RPS6KA3: variants seen among roughly 807,000 people sequenced by gnomAD.
RPS6KA3 encodes ribosomal protein S6 kinase alpha-3.
RPS6KA3 carries 4 observed loss-of-function variants against 67.2 expected under a neutral mutation model. The observed-to-expected ratio is 0.06, with a 90% CI of 0.03 to 0.14. RPS6KA3 has a LOEUF of 0.14. Ranked by LOEUF, RPS6KA3 falls within the 10% of genes least tolerant of loss-of-function variation. The pLI, the probability that RPS6KA3 is intolerant of heterozygous loss-of-function variation, is 1.00. For missense variants in RPS6KA3, 204 were observed against 559.0 expected (o/e 0.36, Z 6.40); for synonymous variants, 182 against 183.7 (o/e 0.99, Z 0.07).
rs758963485 is a variant in RPS6KA3, at chrX:20,225,246, T to G, written c.126+9512A>C. On this transcript the variant is annotated intron_variant, in intron 2 of 21. Transcript: ENST00000379565. ...AAAGGGGAGGTTTTTTTTTTTTGTT[T>G]TTTTTTTTGTTTTTTTTTTTTTTAA... is the stretch of plus-strand genomic sequence containing the variant. Among the ~76,000 whole-genome samples the G allele has an allele frequency of 6.6e-3, 575 of 87,047 alleles. 5 individuals carry two copies. The highest frequency in any genetic ancestry group is 0.024 in the African/African-American group (550 of 23,166). The allele number at this position is 87,047 out of a possible 115,157, so 75.6% of individuals were successfully genotyped here.
intron 1 of RPS6KA3, among the ~76,000 whole-genome samples, chrX:20,242,446 A>T (rs372126393): frequency 1.8e-5 from 2 of 111,775 alleles, no homozygotes; most frequent in African/African-American, 6.5e-5. Context: ...AATTATTCCT[A>T]TTTTATAGTT....
intron 1 of RPS6KA3, 152 bp downstream of exon 1, chrX:20,266,412 C>A: frequency 2.2e-6 from 1 of 462,863 alleles, no homozygotes. Flanking sequence ...GGCCAATAGA[C>A]CCACCCCAAC....
At chrX:20,267,068 C>T, upstream of RPS6KA3, 1 of 755,215 alleles carries the variant, frequency 1.3e-6, no homozygotes, top group Non-Finnish European at 1.6e-6. Context: ...TCGGCCGCCG[C>T]CACCACCGCC....
intron 3 of RPS6KA3, among the ~76,000 whole-genome samples, chrX:20,209,082 T>C (rs1282730201): frequency 8.9e-6 from 1 of 111,733 alleles, no homozygotes; most frequent in Non-Finnish European, 1.9e-5. Flanking sequence ...AGGAAGCAAA[T>C]AGTACCAATT....
intron 2 of RPS6KA3, among the ~76,000 whole-genome samples, chrX:20,216,651 G>A (rs1305052812): frequency 9.1e-6 from 1 of 110,386 alleles, no homozygotes; most frequent in Admixed American, 9.7e-5. Flanking sequence ...ATTTGAGAAA[G>A]ACCTGAGGGA....
intron 1 of RPS6KA3, among the ~76,000 whole-genome samples, chrX:20,247,938 T>G (rs1227429434): frequency 1.8e-5 from 2 of 112,259 alleles, no homozygotes; most frequent in Non-Finnish European, 3.8e-5. Context: ...ATAGCTTTTT[T>G]TCTCATTTTT....
intron 4 of RPS6KA3, among the ~76,000 whole-genome samples, chrX:20,201,302 ATTTTAT>A (rs767775764): frequency 9.1e-6 from 1 of 110,051 alleles, no homozygotes; most frequent in African/African-American, 3.3e-5. Flanking sequence ...CAACCATCTG[ATTTTAT>A]TTTTATTTTT....
Position 20,188,870 on chromosome X carries a change from T to C in RPS6KA3, c.594-336A>G, listed in dbSNP as rs772514538. 2.7e-5 allele frequency among the ~76,000 whole-genome samples: 3 copies of C among 112,850 alleles called. No homozygotes were observed. In the East Asian group the frequency reaches 8.3e-4, roughly 31 times the overall value. On this transcript the variant is annotated intron_variant, in intron 7 of 21. Coordinates refer to ENST00000379565, the MANE Select transcript of RPS6KA3 (RefSeq NM_004586.3). ...CTAAACCCCCTAGTGCCTGCATTAA[T>C]AGACAGAGGGTCCACACATTTAATT...
At chrX:20,213,346 G>A (rs2068766764) in intron 2 of RPS6KA3, among the ~76,000 whole-genome samples, 1 of 111,838 alleles carries the variant, frequency 8.9e-6, no homozygotes, top group South Asian at 3.7e-4. Context: ...TTAAGACAAT[G>A]TCTACTGACT....
upstream of RPS6KA3, chrX:20,266,914 C>T: frequency 1.5e-6 from 1 of 647,235 alleles, no homozygotes; most frequent in Non-Finnish European, 1.8e-6. Flanking sequence ...CTTTCTTCCT[C>T]TCCTCCTTCC....
chrX:20,181,932 G>A (rs976661810), intron 10 of RPS6KA3, among the ~76,000 whole-genome samples: 10 of 112,270 alleles, frequency 8.9e-5, no homozygotes, highest in Non-Finnish European at 3.8e-5. Flanking sequence ...GAAGGATTTA[G>A]TTTCTTCAAC....
intron 2 of RPS6KA3, among the ~76,000 whole-genome samples, chrX:20,224,818 G>A (rs1312529984): frequency 1.8e-5 from 2 of 111,159 alleles, no homozygotes; most frequent in Non-Finnish European, 3.8e-5. Context: ...AGAATCTCCC[G>A]TCGGCATGAA....
chrX:20,167,622 T>C lies in RPS6KA3; in HGVS notation c.1569A>G (p.Ile523Met). 1 of 1,211,036 alleles carries C rather than the reference T, an allele frequency of 8.3e-7. No individual in the cohort carries two copies. Among genetic ancestry groups the C allele is most frequent in the Non-Finnish European group, 1.1e-6 (1 of 894,807 alleles). The change falls in exon 17 of 22, where the codon ATA (isoleucine) becomes ATG (methionine). Residue 523 changes from isoleucine (I) to methionine (M), a missense_variant. Around this residue, in one of 4 missense-constraint regions of RPS6KA3, gnomAD observed 73 missense variants for 241.1 expected, o/e 0.30. Transcript: ENST00000379565. ...CGTGAAGATATTCAACGGTTTTAGT[T>C]ATAGTGAACAGGACAGCACTGGCCT... Reference protein sequence around the residue: ...EREASAVLFTITKTVEYLHAQ... With the variant: ...EREASAVLFTMTKTVEYLHAQ...
At chrX:20,177,423 T>C (rs1428657054) in intron 10 of RPS6KA3, among the ~76,000 whole-genome samples, 1 of 112,867 alleles carries the variant, frequency 8.9e-6, no homozygotes. Flanking sequence ...AGTTTATTTA[T>C]CCATTATCTG....
At chrX:20,265,401 G>A (rs766035070) in intron 1 of RPS6KA3, 1 of 112,182 alleles carries the variant, frequency 8.9e-6, no homozygotes, top group East Asian at 2.8e-4. Context: ...TGCGGAGGCC[G>A]GCAGGGCAGC....
rs1336626855 is a variant in RPS6KA3, at chrX:20,256,178, AAAAAAAAAAAAAAAAAAAAAAG to A, written c.69+10364_69+10385del. On this transcript the variant is annotated intron_variant, in intron 1 of 21. Coordinates refer to ENST00000379565, the MANE Select transcript of RPS6KA3 (RefSeq NM_004586.3). ...ACAGAGTGAGACACCGTCTCAAAAAAAAAAAAAAAAAAAAAAAAAAAGAAAAAAAAAAGGAATTAATTAGGGC... is the reference window on the plus strand; with the variant it reads ...ACAGAGTGAGACACCGTCTCAAAAAAAAAAAAAAAAGGAATTAATTAGGGC... 2.3e-3 allele frequency among the ~76,000 whole-genome samples: 236 copies of A among 102,256 alleles called. 1 individual carries two copies. Among genetic ancestry groups the A allele is most frequent in the Non-Finnish European group, 3.7e-3 (188 of 50,378 alleles). 88.8% of individuals were successfully genotyped at this position (102,256 alleles called of 115,157 possible). A position where few individuals can be genotyped will look rare whatever the true frequency, so the allele number is the denominator to read the frequency against.
chrX:20,157,329 C>T (rs1324130171), intron 20 of RPS6KA3, among the ~76,000 whole-genome samples: 1 of 76,306 alleles, frequency 1.3e-5, no homozygotes, highest in African/African-American at 5.0e-5. Flanking sequence ...TTGTGAGGTC[C>T]TGTATCTACA....
At chrX:20,233,079 T>C (rs2069315809) in intron 2 of RPS6KA3, among the ~76,000 whole-genome samples, 1 of 111,370 alleles carries the variant, frequency 9.0e-6, no homozygotes, top group African/African-American at 3.3e-5. Flanking sequence ...GAAGTTGCAG[T>C]GAGCTGAGAT....
rs1157181205 is a variant in RPS6KA3, at chrX:20,151,370, T to C, written c.*4028A>G. On this transcript the variant is annotated 3_prime_UTR_variant, in exon 22 of 22. Transcript: ENST00000379565. ...GGAGACCAGCAAAATGTAAGCAACC[T>C]GGGGTTGAAAAGAGGACTGTTTTCA... 3 of 112,729 alleles carry C rather than the reference T, an allele frequency of 2.7e-5. No individual in the cohort carries two copies. The highest frequency in any genetic ancestry group is 5.6e-5 in the Non-Finnish European group (3 of 53,310). The allele number at this position is 112,729 out of a possible 1,213,427, so 9.3% of individuals were successfully genotyped here.
Sources: gnomAD v4.1 joint callset for allele counts (sites outside exome capture counted in the v4.1 genomes callset) on GRCh38, gnomAD v4.1.1 for gene constraint, gnomAD v4.1.1 regional missense constraint, MANE v1.5 for transcripts, NCBI Gene and HGNC (gene_info 2026-07-23, HGNC 2026-07-21) for gene names.